PIK3CG: variants seen among roughly 807,000 people sequenced by gnomAD.
The protein encoded by PIK3CG is phosphatidylinositol 4,5-bisphosphate 3-kinase catalytic subunit gamma isoform.
PIK3CG carries 55 observed loss-of-function variants against 102.3 expected under a neutral mutation model. That is an observed-to-expected ratio of 0.54 (90% confidence interval 0.43 to 0.67). PIK3CG has a LOEUF of 0.67. PIK3CG is among the 30% of genes least tolerant of loss of function. PIK3CG has a pLI of 0.00. For missense variants in PIK3CG, 1,258 were observed against 1,391.8 expected, an observed-to-expected ratio of 0.90 and a Z score of 1.53; for synonymous variants, 552 against 540.0, an observed-to-expected ratio of 1.02 and a Z score of -0.31.
rs1186013052 is a variant in PIK3CG, at chr7:106,879,218, G to A, written c.2392-301G>A. On this transcript the variant is annotated intron_variant, in intron 5 of 10. Transcript: ENST00000496166. The surrounding 1 kb of genome is among the most constrained non-coding windows in gnomAD (Gnocchi z 4.9). Reference sequence around the variant, plus strand: ...TTAAAGAGGATGTGGGAGTGTCAGAGCTCTGTGTGCGTGGGGAGGGTGAGA... The same window carrying A: ...TTAAAGAGGATGTGGGAGTGTCAGAACTCTGTGTGCGTGGGGAGGGTGAGA... 6.6e-6 allele frequency among the ~76,000 whole-genome samples: 1 copy of A among 152,120 alleles called. No individual in the cohort carries two copies. The highest frequency in any genetic ancestry group is 2.4e-5 in the African/African-American group (1 of 41,414).
chr7:106,868,040 A>C lies in PIK3CG; in HGVS notation c.479A>C (p.Tyr160Ser). Residue 160 changes from tyrosine to serine, a missense_variant, in exon 2 of 11, where the codon TAT (tyrosine) becomes TCT (serine). Tyr to Ser is a moderately radical substitution (Grantham distance 144). This residue lies in a region of PIK3CG where 832 missense variants were observed against 787.5 expected (regional missense o/e 1.06). Coordinates refer to ENST00000496166, the MANE Select transcript of PIK3CG (RefSeq NM_001282426.2). This position sits in a 1 kb window ranked among gnomAD's most constrained non-coding sequence, Gnocchi z 6.2. ...CGGCAGCTCACGGCGCTGATTGGCT[A>C]TGACGTCACTGACGTCAGCAACGTG... ...FQRQLTALIGYDVTDVSNVHD... is the reference protein window; with the variant it reads ...FQRQLTALIGSDVTDVSNVHD... 6.2e-7 allele frequency: 1 copy of C among 1,612,604 alleles called. No homozygotes were observed. Among genetic ancestry groups the C allele is most frequent in the South Asian group, 1.1e-5 (1 of 91,068 alleles).
rs144586178 is a variant in PIK3CG at position 106,870,378 on chromosome 7, A to G, written c.1995+822A>G. 6.6e-5 allele frequency among the ~76,000 whole-genome samples: 10 copies of G among 152,338 alleles called. No homozygotes were observed. The East Asian group carries it at 1.9e-3, about 29-fold the overall frequency. On this transcript the variant is annotated intron_variant, in intron 2 of 10. Coordinates refer to ENST00000496166, the MANE Select transcript of PIK3CG (RefSeq NM_001282426.2). ...GAACAGTTCCCCTGCTCACTTTAGC[A>G]GTTCTCAACTTATATTGTACTGCTT...
In PIK3CG at chr7:106,886,292, G is replaced by C. The variant is rs2116562961; in HGVS notation, c.3030G>C (p.Gln1010His). 6.2e-7 allele frequency: 1 copy of C among 1,614,024 alleles called. No individual in the cohort carries two copies. Among genetic ancestry groups the C allele is most frequent in the Non-Finnish European group, 8.5e-7 (1 of 1,179,966 alleles). Residue 1010 changes from glutamine to histidine, a missense_variant and splice_region_variant, in exon 10 of 11, where the codon CAG becomes CAC. This residue lies in a region of PIK3CG where 426 missense variants were observed against 604.2 expected (regional missense o/e 0.71). Coordinates refer to ENST00000496166, the MANE Select transcript of PIK3CG (RefSeq NM_001282426.2). Reference protein sequence around the residue: ...KKTSPHFQKFQDICVKAYLAL... With the variant: ...KKTSPHFQKFHDICVKAYLAL... The stretch of plus-strand genomic sequence containing the variant: ...CAAGCCCACACTTCCAGAAATTTCA[G>C]GTAAGTCACCTCCTTCATCGCCTGC...
chr7:106,875,119 G>A (rs1790681474), intron 5 of PIK3CG, among the ~76,000 whole-genome samples: 1 of 152,160 alleles, frequency 6.6e-6, no homozygotes, highest in Admixed American at 6.5e-5. Flanking sequence ...GGGAGGCCGA[G>A]GCAGGCAGAT....
rs1213482934 is a variant in PIK3CG at position 106,867,958 on chromosome 7, G to A, written c.397G>A (p.Gly133Ser). The A allele has an allele frequency of 1.2e-6, 2 of 1,612,770 alleles. No homozygotes were observed. Among genetic ancestry groups the A allele is most frequent in the South Asian group, 1.1e-5 (1 of 91,076 alleles). The change falls in exon 2 of 11, where the codon GGC (glycine) becomes AGC (serine). Residue 133 changes from glycine to serine, a missense_variant. Physicochemically the swap from Gly to Ser is moderately conservative, Grantham distance 56 (BLOSUM62 0). Transcript: ENST00000496166. This position sits in a 1 kb window ranked among gnomAD's most constrained non-coding sequence, Gnocchi z 5.1. ...CTGGAAGGCCACGCACCGGAGCCCG[G>A]GCCAGATCCACCTGGTGCAGCGGCA... ...RYWKATHRSP[G>S]QIHLVQRHPP...
chr7:106,882,077 T>C, intron 6 of PIK3CG, 40 bp from the exon 7 acceptor site: 2 of 830,690 alleles, frequency 2.4e-6, no homozygotes, highest in Non-Finnish European at 3.4e-6. Flanking sequence ...ATTAAGTTAA[T>C]ATATATATAA....
At position 106,867,389 on chromosome 7, in the gene PIK3CG, A is replaced by C. The variant is rs1269907066; in HGVS notation, c.-12-161A>C. On this transcript the variant is annotated intron_variant, in intron 1 of 10. Coordinates refer to ENST00000496166, the MANE Select transcript of PIK3CG (RefSeq NM_001282426.2). This position sits in a 1 kb window ranked among gnomAD's most constrained non-coding sequence, Gnocchi z 5.1. ...ACTCACCGGCCCGACTCCAAAGCCC[A>C]CGCTCTGAAGGGCTGTAGTGCTTCC... Among the ~76,000 whole-genome samples, 2 of 152,192 alleles carry C rather than the reference A, an allele frequency of 1.3e-5. No individual in the cohort carries two copies. The highest frequency in any genetic ancestry group is 2.9e-5 in the Non-Finnish European group (2 of 68,030).
At position 106,867,919 on chromosome 7, in the gene PIK3CG, G is replaced by A. The variant is rs2116425599; in HGVS notation, c.358G>A (p.Asp120Asn). 1 of 1,613,304 alleles carries A rather than the reference G, an allele frequency of 6.2e-7. No individual in the cohort carries two copies. Among genetic ancestry groups the A allele is most frequent in the Non-Finnish European group, 8.5e-7 (1 of 1,179,982 alleles). The stretch of plus-strand genomic sequence containing the variant: ...CAAGTACCAGGTGGTGCAGACTCTG[G>A]ACTGCCTGCGCTACTGGAAGGCCAC... ...YDKYQVVQTL[D>N]CLRYWKATHR... is the part of the protein sequence containing the mutation. Residue 120 changes from aspartate to asparagine, a missense_variant, in exon 2 of 11, where the codon GAC becomes AAC. Physicochemically the swap from Asp to Asn is conservative, Grantham distance 23 (BLOSUM62 1). Transcript: ENST00000496166. This position sits in a 1 kb window ranked among gnomAD's most constrained non-coding sequence, Gnocchi z 5.1.
At position 106,883,512 on chromosome 7, in the gene PIK3CG, C is replaced by T. The variant is rs188548202; in HGVS notation, c.2760+349C>T. ...TTTAGTTACCATGTATAAACTCTTA[C>T]GTACCTGGGAAATACAACATACACA... On this transcript the variant is annotated intron_variant, in intron 8 of 10. Transcript: ENST00000496166. This position sits in a 1 kb window ranked among gnomAD's most constrained non-coding sequence, Gnocchi z 5.8. Among the ~76,000 whole-genome samples the T allele has an allele frequency of 2.6e-5, 4 of 152,294 alleles. No homozygotes were observed. Among genetic ancestry groups the T allele is most frequent in the African/African-American group, 9.6e-5 (4 of 41,564 alleles).
rs763419830 is a variant in PIK3CG, at chr7:106,902,631, T to G, written c.3031-2478T>G. 1.0e-3 allele frequency among the ~76,000 whole-genome samples: 158 copies of G among 152,194 alleles called. No individual in the cohort carries two copies. The highest frequency in any genetic ancestry group is 2.4e-3 in the Admixed American group (36 of 15,280). ...AATATTAATGAAGTTGCATTTTTTT[T>G]GTAGGTTTATCTGTTTTTATGTCTT... On this transcript the variant is annotated intron_variant, in intron 10 of 10. Transcript: ENST00000496166. This position sits in a 1 kb window ranked among gnomAD's most constrained non-coding sequence, Gnocchi z 4.3.
Position 106,867,922 on chromosome 7 carries a change from T to G in PIK3CG, c.361T>G (p.Cys121Gly), listed in dbSNP as rs1014970881. 1.2e-6 allele frequency: 2 copies of G among 1,613,176 alleles called. No individual in the cohort carries two copies. The highest frequency in any genetic ancestry group is 1.7e-6 in the Non-Finnish European group (2 of 1,179,976). The change falls in exon 2 of 11, where the codon TGC (cysteine) becomes GGC (glycine). Residue 121 changes from cysteine to glycine, a missense_variant. Around this residue, in one of 2 missense-constraint regions of PIK3CG, gnomAD observed 832 missense variants for 787.5 expected, o/e 1.06. Coordinates refer to ENST00000496166, the MANE Select transcript of PIK3CG (RefSeq NM_001282426.2). The surrounding 1 kb of genome is among the most constrained non-coding windows in gnomAD (Gnocchi z 5.1). The part of the protein sequence containing the change: ...DKYQVVQTLD[C>G]LRYWKATHRS... The stretch of plus-strand genomic sequence containing the variant: ...GTACCAGGTGGTGCAGACTCTGGAC[T>G]GCCTGCGCTACTGGAAGGCCACGCA...
chr7:106,876,620 C>A (rs1790753625), intron 5 of PIK3CG, among the ~76,000 whole-genome samples: 1 of 149,192 alleles, frequency 6.7e-6, no homozygotes, highest in Non-Finnish European at 1.5e-5. Context: ...CCAGGATGGT[C>A]TCAATCTCCT....
In PIK3CG at chr7:106,891,345, T is replaced by C. The variant is rs888779028; in HGVS notation, c.3030+5053T>C. On this transcript the variant is annotated intron_variant, in intron 10 of 10. Coordinates refer to ENST00000496166, the MANE Select transcript of PIK3CG (RefSeq NM_001282426.2). The surrounding 1 kb of genome is among the most constrained non-coding windows in gnomAD (Gnocchi z 4.4). ...AGGAGGCAGGTTAACATGCGTACAT[T>C]GGATGAGGAACTAAATCCAACTGTG... 2.0e-5 allele frequency among the ~76,000 whole-genome samples: 3 copies of C among 152,222 alleles called. No individual in the cohort carries two copies. Among genetic ancestry groups the C allele is most frequent in the Non-Finnish European group, 4.4e-5 (3 of 68,036 alleles).
chr7:106,869,896 T>G lies in PIK3CG; in HGVS notation c.1995+340T>G, dbSNP rs1310395144. 2.0e-5 allele frequency among the ~76,000 whole-genome samples: 3 copies of G among 152,248 alleles called. No homozygotes were observed. The highest frequency in any genetic ancestry group is 7.2e-5 in the African/African-American group (3 of 41,450). ...AAGGCTCCAAGTGACTGACATGCTT[T>G]CAGTGTATTATCTCATTTAACTCTT... On this transcript the variant is annotated intron_variant, in intron 2 of 10. Transcript: ENST00000496166. This position sits in a 1 kb window ranked among gnomAD's most constrained non-coding sequence, Gnocchi z 5.3.
intron 10 of PIK3CG, among the ~76,000 whole-genome samples, chr7:106,887,903 G>A (rs893702703): frequency 9.0e-5 from 13 of 145,140 alleles, no homozygotes; most frequent in African/African-American, 2.3e-4. Flanking sequence ...TCAGACATAC[G>A]CAAGGAATTT....
Position 106,868,082 on chromosome 7 carries a change from A to C in PIK3CG, c.521A>C (p.Glu174Ala). 6.2e-7 allele frequency: 1 copy of C among 1,612,926 alleles called. No individual in the cohort carries two copies. Among genetic ancestry groups the C allele is most frequent in the Non-Finnish European group, 8.5e-7 (1 of 1,179,276 alleles). ...DVSNVHDDEL[E>A]FTRRGLVTPR... ...AGCAACGTGCACGACGATGAGCTGG[A>C]GTTCACGCGCCGTGGCTTGGTGACC... is the stretch of plus-strand genomic sequence containing the variant. The change falls in exon 2 of 11, where the codon GAG becomes GCG. Residue 174 changes from glutamate to alanine, a missense_variant. By Grantham distance (107) the Glu-to-Ala change is moderately radical. This residue lies in a region of PIK3CG where 832 missense variants were observed against 787.5 expected (regional missense o/e 1.06). Coordinates refer to ENST00000496166, the MANE Select transcript of PIK3CG (RefSeq NM_001282426.2). This position sits in a 1 kb window ranked among gnomAD's most constrained non-coding sequence, Gnocchi z 6.2.
chr7:106,901,001 T>C (rs1791535772), intron 10 of PIK3CG, among the ~76,000 whole-genome samples: 1 of 152,214 alleles, frequency 6.6e-6, no homozygotes, highest in Non-Finnish European at 1.5e-5. Flanking sequence ...CTTTCCTTCA[T>C]TTCGACCTTG....
intron 5 of PIK3CG, among the ~76,000 whole-genome samples, chr7:106,876,185 A>T (rs1220028606): frequency 6.6e-6 from 1 of 151,864 alleles, no homozygotes; most frequent in Admixed American, 6.6e-5. Context: ...AAGTGCTGGG[A>T]TTACAGGCGT....
chr7:106,901,980 G>C (rs1791568842), intron 10 of PIK3CG, among the ~76,000 whole-genome samples: 1 of 152,098 alleles, frequency 6.6e-6, no homozygotes, highest in African/African-American at 2.4e-5. Context: ...TGAAAGTGTG[G>C]GTTTCTCTCC....
Sources: allele counts gnomAD v4.1 joint callset (sites outside exome capture counted in the v4.1 genomes callset), GRCh38; gene constraint gnomAD v4.1.1; regional missense constraint gnomAD v4.1.1; non-coding constraint Gnocchi (gnomAD v3.1); transcripts MANE v1.5; gene names NCBI Gene and HGNC (gene_info 2026-07-23, HGNC 2026-07-21).